DNAH12: variants seen among roughly 807,000 people sequenced by gnomAD.
DNAH12 encodes axonemal beta dynein heavy chain 12.
Under a neutral mutation model 371.5 loss-of-function variants are expected in DNAH12, and 285 were observed. The ratio of observed to expected loss-of-function variants is 0.77; its 90% CI spans 0.70 to 0.85. DNAH12 has a LOEUF of 0.85. DNAH12 is among the 40% of genes least tolerant of loss of function. DNAH12 has a pLI of 0.00. For missense variants in DNAH12, 3,611 were observed against 3,689.4 expected (o/e 0.98, Z 0.55); for synonymous variants, 1,200 against 1,213.0 (o/e 0.99, Z 0.22).
At chr3:57,445,569 A>G (rs1211065966) in intron 27 of DNAH12, 150 bp from the exon 28 acceptor site, 2 of 675,104 alleles carry the variant, frequency 3.0e-6, no homozygotes, top group Non-Finnish European at 4.2e-6. Context: ...TAGTACTTTT[A>G]ATATTTTTAT....
intron 2 of DNAH12, among the ~76,000 whole-genome samples, chr3:57,526,022 C>T (rs1021158001): frequency 2.6e-5 from 4 of 152,040 alleles, no homozygotes; most frequent in African/African-American, 9.7e-5. Context: ...CTCGGCCTCC[C>T]AAAGTGCTGG....
At chr3:57,484,220 A>G (rs188750631) in intron 12 of DNAH12, among the ~76,000 whole-genome samples, 24 of 152,070 alleles carry the variant, frequency 1.6e-4, no homozygotes, top group African/African-American at 4.8e-4. Flanking sequence ...TTTTATTATT[A>G]TTAGTGCCTC....
At chr3:57,467,684 A>G (rs1186412614) in intron 17 of DNAH12, among the ~76,000 whole-genome samples, 2 of 152,172 alleles carry the variant, frequency 1.3e-5, no homozygotes, top group Non-Finnish European at 2.9e-5. Flanking sequence ...TGTCATTTTC[A>G]GGAAGTATGC....
intron 4 of DNAH12, among the ~76,000 whole-genome samples, chr3:57,513,516 A>AAG (rs1272481790): frequency 6.6e-6 from 1 of 151,636 alleles, no homozygotes; most frequent in Non-Finnish European, 1.5e-5. Context: ...ATAATAAAAA[A>AAG]AATACTACTA....
chr3:57,302,971 T>G (rs2107658800), intron 69 of DNAH12, among the ~76,000 whole-genome samples: 1 of 152,100 alleles, frequency 6.6e-6, no homozygotes, highest in East Asian at 2.0e-4. Context: ...AACAGATGGA[T>G]GAGAAGTTAT....
chr3:57,517,627 CTT>C (rs1214657665), intron 4 of DNAH12, among the ~76,000 whole-genome samples: 2 of 152,084 alleles, frequency 1.3e-5, no homozygotes, highest in African/African-American at 4.8e-5. Context: ...GTATCTATAA[CTT>C]ATACCTTTCT....
In DNAH12 at chr3:57,334,916, C is replaced by G. The variant is rs1575467991; in HGVS notation, c.9699G>C (p.Gln3233His). 7 of 1,550,108 alleles carry G rather than the reference C, an allele frequency of 4.5e-6. No homozygotes were observed. The highest frequency in any genetic ancestry group is 5.2e-6 in the Non-Finnish European group (6 of 1,146,650). ...CTCCAGTTAAAAGAAACATCAGTTC[C>G]TGGTATTCAATCTCTTTCCTTGCCC... ...LLLARKEIEY[Q>H]ELMFLLTGGV... The change falls in exon 61 of 74, where the codon CAG (glutamine) becomes CAC (histidine). Residue 3233 changes from glutamine to histidine, a missense_variant. Physicochemically the swap from Gln to His is conservative, Grantham distance 24. Coordinates refer to ENST00000495027, the MANE Select transcript of DNAH12 (RefSeq NM_001366028.2).
At chr3:57,516,323 A>G (rs997527447) in intron 4 of DNAH12, among the ~76,000 whole-genome samples, 1 of 151,904 alleles carries the variant, frequency 6.6e-6, no homozygotes, top group Non-Finnish European at 1.5e-5. Flanking sequence ...CGGCCTCCCA[A>G]AGTGCTGGGA....
In DNAH12 at chr3:57,523,826, G is replaced by A; in HGVS notation, c.229C>T (p.Pro77Ser). The change falls in exon 3 of 74, where the codon CCA becomes TCA. Residue 77 changes from proline to serine, a missense_variant. This residue lies in a region of DNAH12 where 1,314 missense variants were observed against 1,398.7 expected (regional missense o/e 0.94). Coordinates refer to ENST00000495027, the MANE Select transcript of DNAH12 (RefSeq NM_001366028.2). ...ACAGTTTGAGGATAATCAGGTGGTG[G>A]TAATAGAGGTGTTCTTTTACCCAGT... is the stretch of plus-strand genomic sequence containing the variant. The part of the protein sequence containing the change: ...RTLGKRTPLL[P>S]PPDYPQTMTS... 13 of 1,605,194 alleles carry A rather than the reference G, an allele frequency of 8.1e-6. No individual in the cohort carries two copies. The highest frequency in any genetic ancestry group is 1.1e-5 in the South Asian group (1 of 88,696).
At chr3:57,358,433 G>A in intron 58 of DNAH12, among the ~76,000 whole-genome samples, 1 of 86,684 alleles carries the variant, frequency 1.2e-5, no homozygotes, top group East Asian at 3.1e-4. Flanking sequence ...AGAAACTTAA[G>A]GCCTTCCGTT....
chr3:57,448,531 A>G (rs1401159725), intron 25 of DNAH12, among the ~76,000 whole-genome samples: 2 of 117,346 alleles, frequency 1.7e-5, no homozygotes, highest in African/African-American at 5.1e-5. Flanking sequence ...GTGACAGCTC[A>G]GTGGACCCAG....
chr3:57,459,718 C>G lies in DNAH12; in HGVS notation c.2805G>C (p.Trp935Cys). ...IDEWLKVQAQWLYLEPIFCSE... is the reference protein window; with the variant it reads ...IDEWLKVQAQCLYLEPIFCSE... ...AACAAAAGATGGGCTCTAAGTACAG[C>G]CATTGAGCTTGTACTTTTAACCATT... The change falls in exon 20 of 74, where the codon TGG (tryptophan) becomes TGC (cysteine). Residue 935 changes from tryptophan (W) to cysteine (C), a missense_variant. This residue lies in a region of DNAH12 where 1,314 missense variants were observed against 1,398.7 expected (regional missense o/e 0.94). Coordinates refer to ENST00000495027, the MANE Select transcript of DNAH12 (RefSeq NM_001366028.2). 1 of 1,545,874 alleles carries G rather than the reference C, an allele frequency of 6.5e-7. No individual in the cohort carries two copies. The highest frequency in any genetic ancestry group is 8.7e-7 in the Non-Finnish European group (1 of 1,143,128).
intron 11 of DNAH12, among the ~76,000 whole-genome samples, chr3:57,495,755 A>T (rs973597571): frequency 3.3e-4 from 47 of 143,666 alleles, no homozygotes; most frequent in African/African-American, 1.0e-3. Context: ...ATTTTTATAT[A>T]TTTATATATT....
At position 57,363,800 on chromosome 3, in the gene DNAH12, AAC is replaced by A. The variant is rs1378542351; in HGVS notation, c.9168-16_9168-15del. The stretch of plus-strand genomic sequence containing the variant: ...TCTAATTCTGGTCTAAAAAGATAGA[AAC>A]ATTTAGTCCAAATTTGTAGTATTTT... On this transcript the variant is annotated splice_polypyrimidine_tract_variant and intron_variant, in intron 57 of 73. Transcript: ENST00000495027. The A allele has an allele frequency of 6.6e-6, 1 of 152,190 alleles. No individual in the cohort carries two copies. The highest frequency in any genetic ancestry group is 6.5e-5 in the Admixed American group (1 of 15,274). The allele number at this position is 152,190 out of a possible 1,614,324, so 9.4% of individuals were successfully genotyped here.
intron 64 of DNAH12, 46 bp from the exon 65 acceptor site, chr3:57,322,529 G>A: frequency 6.6e-7 from 1 of 1,520,450 alleles, no homozygotes; most frequent in Non-Finnish European, 8.8e-7. Flanking sequence ...AGCAAGTGGA[G>A]GCTCTAAAAG....
intron 32 of DNAH12, among the ~76,000 whole-genome samples, chr3:57,432,234 A>G (rs1211722554): frequency 7.4e-6 from 1 of 135,296 alleles, no homozygotes; most frequent in African/African-American, 2.8e-5. Context: ...CAGTGGTGTG[A>G]TCTCGGTTAA....
intron 60 of DNAH12, among the ~76,000 whole-genome samples, chr3:57,338,789 G>C (rs1351398327): frequency 4.0e-5 from 6 of 151,432 alleles, no homozygotes; most frequent in African/African-American, 1.2e-4. Context: ...CACCCCGTCT[G>C]GGAAGTGAGG....
chr3:57,509,146 G>C lies in DNAH12; in HGVS notation c.536C>G (p.Ser179Cys), dbSNP rs761510160. 1 of 1,611,968 alleles carries C rather than the reference G, an allele frequency of 6.2e-7. No homozygotes were observed. Among genetic ancestry groups the C allele is most frequent in the East Asian group, 2.2e-5 (1 of 44,826 alleles). The change falls in exon 6 of 74, where the codon TCT becomes TGT. Residue 179 changes from serine to cysteine, a missense_variant. This residue lies in a region of DNAH12 where 1,314 missense variants were observed against 1,398.7 expected (regional missense o/e 0.94). Coordinates refer to ENST00000495027, the MANE Select transcript of DNAH12 (RefSeq NM_001366028.2). Reference protein sequence around the residue: ...LEDEGGPLPESPVGLDYSNPW... With the variant: ...LEDEGGPLPECPVGLDYSNPW... ...TTTAAAATAATTTACTCACACAGGA[G>C]ATTCAGGTAAAGGACCTCCTTCATC...
chr3:57,383,899 T>C (rs1265656617), intron 49 of DNAH12, among the ~76,000 whole-genome samples: 1 of 152,158 alleles, frequency 6.6e-6, no homozygotes, highest in African/African-American at 2.4e-5. Context: ...TCTTGTCTTA[T>C]AACTACAGGG....
Sources: gnomAD v4.1 joint callset for allele counts (sites outside exome capture counted in the v4.1 genomes callset) on GRCh38, gnomAD v4.1.1 for gene constraint, gnomAD v4.1.1 regional missense constraint, MANE v1.5 for transcripts, NCBI Gene and HGNC (gene_info 2026-07-23, HGNC 2026-07-21) for gene names.